The following ZMYND8 variants were observed in gnomAD, a reference collection of about 807,000 sequenced individuals.
ZMYND8 encodes the protein MYND-type zinc finger-containing chromatin reader ZMYND8.
Under a neutral mutation model 140.8 loss-of-function variants are expected in ZMYND8, and 37 were observed. The ratio of observed to expected loss-of-function variants is 0.26; its 90% CI spans 0.20 to 0.35. The LOEUF (loss-of-function observed/expected upper bound fraction) is 0.35, where lower values mean the gene tolerates loss of function less well. Among genes scored for constraint, ZMYND8 ranks in the 10% least tolerant of loss-of-function variants. ZMYND8 has a pLI of 1.00. For synonymous variants in ZMYND8, 592 were observed against 597.1 expected (o/e 0.99, Z 0.12); for missense variants, 1,068 against 1,570.0 (o/e 0.68, Z 5.40).
chr20:47,243,176 C>T (rs2040169890), intron 14 of ZMYND8, among the ~76,000 whole-genome samples: 1 of 152,158 alleles, frequency 6.6e-6, no homozygotes, highest in African/African-American at 2.4e-5. Flanking sequence ...AAGCTGCATC[C>T]CTAGTGGAAG....
At chr20:47,271,056 G>A (rs151229372) in intron 11 of ZMYND8, among the ~76,000 whole-genome samples, 12 of 152,024 alleles carry the variant, frequency 7.9e-5, no homozygotes, top group Admixed American at 2.0e-4. Context: ...CAGCCTGGAC[G>A]ACAGAGTGAG....
chr20:47,283,286 G>C (rs2076721144), intron 9 of ZMYND8, among the ~76,000 whole-genome samples: 1 of 152,182 alleles, frequency 6.6e-6, no homozygotes. Flanking sequence ...AAGCTTTGCT[G>C]CATCCCACAT....
chr20:47,226,561 A>G (rs777568579), intron 18 of ZMYND8, among the ~76,000 whole-genome samples: 3 of 152,204 alleles, frequency 2.0e-5, no homozygotes, highest in Non-Finnish European at 4.4e-5. Flanking sequence ...AAGAGTGCCC[A>G]GACTTGAACT....
chr20:47,236,234 G>A (rs1019252822), intron 16 of ZMYND8, 92 bp downstream of exon 16: 2 of 1,514,766 alleles, frequency 1.3e-6, no homozygotes, highest in Non-Finnish European at 1.8e-6. Flanking sequence ...AGACTGCAAG[G>A]TTAAGACGCT....
At chr20:47,301,840 A>G (rs2078070767) in intron 3 of ZMYND8, among the ~76,000 whole-genome samples, 1 of 152,190 alleles carries the variant, frequency 6.6e-6, no homozygotes, top group African/African-American at 2.4e-5. Flanking sequence ...TGTAATTCCC[A>G]TAATCCCCAT....
Position 47,221,333 on chromosome 20 carries a change from TTCTCAGCTGACG to T in ZMYND8, c.3386_3397del (p.Thr1129_Glu1132del). The T allele has an allele frequency of 6.2e-7, 1 of 1,614,158 alleles. No individual in the cohort carries two copies. The highest frequency in any genetic ancestry group is 8.5e-7 in the Non-Finnish European group (1 of 1,180,024). On this transcript the variant is annotated inframe_deletion, in exon 20 of 23. Transcript: ENST00000471951. ...CCTCACCGAGCCACTCTCCTTGCTT[TTCTCAGCTGACG>T]TCTCCTTCTCTTTGGAGGCGCTGGC...
At chr20:47,308,202 AC>A (rs2148186666) in intron 3 of ZMYND8, among the ~76,000 whole-genome samples, 1 of 148,516 alleles carries the variant, frequency 6.7e-6, no homozygotes, top group East Asian at 2.0e-4. Context: ...ACCTGTGGCT[AC>A]CATCTTGGAC....
chr20:47,326,821 G>C (rs532999427), intron 2 of ZMYND8, among the ~76,000 whole-genome samples: 1 of 152,210 alleles, frequency 6.6e-6, no homozygotes, highest in South Asian at 2.1e-4. Context: ...TAGTTCCCTC[G>C]AGCTTCTCAG....
intron 1 of ZMYND8, 135 bp downstream of exon 1, chr20:47,356,522 A>G (rs1275958053): frequency 5.0e-6 from 8 of 1,609,976 alleles, no homozygotes; most frequent in Non-Finnish European, 5.9e-6. Context: ...AATTCTCTCT[A>G]AACAGTTCCA....
intron 12 of ZMYND8, among the ~76,000 whole-genome samples, chr20:47,255,561 A>AGTGTGTGT (rs141205253): frequency 3.3e-5 from 4 of 120,054 alleles, no homozygotes; most frequent in Non-Finnish European, 6.7e-5. Context: ...ACATATACTC[A>AGTGTGTGT]GTGTGTGTGT....
At chr20:47,294,620 T>TC (rs749560806) in intron 5 of ZMYND8, 46 bp downstream of exon 5, 2 of 1,559,512 alleles carry the variant, frequency 1.3e-6, no homozygotes, top group Non-Finnish European at 1.8e-6. Flanking sequence ...AAAACATATG[T>TC]CATTACGTTC....
intron 7 of ZMYND8, among the ~76,000 whole-genome samples, chr20:47,287,597 G>T (rs991749214): frequency 6.6e-5 from 10 of 152,096 alleles, no homozygotes; most frequent in Non-Finnish European, 1.3e-4. Context: ...ATGAAAAAAG[G>T]CCTTATTCTA....
chr20:47,258,637 A>G (rs781354581), intron 12 of ZMYND8, among the ~76,000 whole-genome samples: 4 of 152,220 alleles, frequency 2.6e-5, no homozygotes, highest in Non-Finnish European at 5.9e-5. Context: ...TTTTAAGGAA[A>G]TCCTGTTTTG....
intron 22 of ZMYND8, 22 bp downstream of exon 22, chr20:47,212,620 C>T (rs763214365): frequency 1.1e-4 from 185 of 1,613,160 alleles, no homozygotes; most frequent in East Asian, 6.0e-4. Context: ...CGGCAGCTTT[C>T]GTAAGACAGG....
chr20:47,356,679 CTG>C lies in ZMYND8; in HGVS notation c.-11_-10del. 1 of 1,614,188 alleles carries C rather than the reference CTG, an allele frequency of 6.2e-7. No homozygotes were observed. The highest frequency in any genetic ancestry group is 2.2e-5 in the East Asian group (1 of 44,884). ...TACCTCTGTGGATGCATTGTTAACA[CTG>C]TGTAATGTCAATACTTATAAAACAT... On this transcript the variant is annotated 5_prime_UTR_variant, in exon 1 of 23. Transcript: ENST00000471951.
At chr20:47,230,751 G>A (rs1165319237) in intron 16 of ZMYND8, among the ~76,000 whole-genome samples, 3 of 152,108 alleles carry the variant, frequency 2.0e-5, no homozygotes, top group Admixed American at 2.0e-4. Flanking sequence ...GTACCTCAGA[G>A]TTGTGTATCT....
chr20:47,353,125 G>C (rs1486271565), intron 1 of ZMYND8: 1 of 152,120 alleles, frequency 6.6e-6, no homozygotes, highest in African/African-American at 2.4e-5. Context: ...CGTTGCAAGT[G>C]GCTGGACTTT....
intron 3 of ZMYND8, among the ~76,000 whole-genome samples, chr20:47,304,620 C>T (rs1260860220): frequency 1.3e-5 from 2 of 152,254 alleles, no homozygotes; most frequent in African/African-American, 4.8e-5. Flanking sequence ...AGAGGCCACA[C>T]AGGGACCATA....
chr20:47,262,269 G>C lies in ZMYND8; in HGVS notation c.1621+19C>G. 2 of 1,614,054 alleles carry C rather than the reference G, an allele frequency of 1.2e-6. No homozygotes were observed. Among genetic ancestry groups the C allele is most frequent in the Non-Finnish European group, 1.7e-6 (2 of 1,179,972 alleles). On this transcript the variant is annotated intron_variant, in intron 12 of 22. Coordinates refer to ENST00000471951, the MANE Select transcript of ZMYND8 (RefSeq NM_001281775.3). ...TCCACAGTTGCCACAGAAAGATACT[G>C]GCAAAAATTCTGACTGACCCAGGTT...
Sources: gnomAD v4.1 joint callset for allele counts (sites outside exome capture counted in the v4.1 genomes callset) on GRCh38, gnomAD v4.1.1 for gene constraint, MANE v1.5 for transcripts, NCBI Gene and HGNC (gene_info 2026-07-23, HGNC 2026-07-21) for gene names.